NUDT22: variants seen among roughly 807,000 people sequenced by gnomAD.
NUDT22 encodes the protein nudix hydrolase 22, also known as uridine diphosphate glucose pyrophosphatase NUDT22.
NUDT22 carries 23 observed loss-of-function variants against 28.8 expected under a neutral mutation model. The observed-to-expected ratio is 0.80, with a 90% CI of 0.58 to 1.13. The LOEUF (loss-of-function observed/expected upper bound fraction) is 1.13, where lower values mean the gene tolerates loss of function less well. NUDT22 is among the 50% of genes most tolerant of loss of function. The pLI is 0.00. For synonymous variants in NUDT22, 175 were observed against 173.7 expected (o/e 1.01, Z -0.06); for missense variants, 358 against 387.3 (o/e 0.92, Z 0.64).
Position 64,226,275 on chromosome 11 carries a change from G to A in NUDT22, c.-171G>A. 1.5e-6 allele frequency: 1 copy of A among 654,130 alleles called. No individual in the cohort carries two copies. Among genetic ancestry groups the A allele is most frequent in the Non-Finnish European group, 2.1e-6 (1 of 471,940 alleles). The allele number at this position is 654,130 out of a possible 1,614,324, so 40.5% of individuals were successfully genotyped here. A position where few individuals can be genotyped will look rare whatever the true frequency, so the allele number is the denominator to read the frequency against. On this transcript the variant is annotated 5_prime_UTR_variant, in exon 1 of 6. Coordinates refer to ENST00000279206, the MANE Select transcript of NUDT22 (RefSeq NM_032344.4). ...GCACTTCCGCTTCGGGGAAGGGGCG[G>A]AGCCTGAGGGACCCGGCGGCTGGTG...
Position 64,227,110 on chromosome 11 carries a change from C to A in NUDT22, c.458C>A (p.Pro153His), listed in dbSNP as rs375308346. 1.9e-6 allele frequency: 3 copies of A among 1,593,190 alleles called. No individual in the cohort carries two copies. In the African/African-American group the frequency reaches 4.0e-5, roughly 21 times the overall value. The change falls in exon 2 of 6, where the codon CCT becomes CAT. Residue 153 changes from proline to histidine, a missense_variant. Coordinates refer to ENST00000279206, the MANE Select transcript of NUDT22 (RefSeq NM_032344.4). ...GAGGCCCCTGGGCTGGTGGACGTAC[C>A]TGGTGGGCACCCTGAGCCTCAGGTG... ...VAEAPGLVDV[P>H]GGHPEPQALC...
chr11:64,230,211 A>G (rs1375764889), downstream of NUDT22: 2 of 687,592 alleles, frequency 2.9e-6, no homozygotes, highest in East Asian at 5.6e-5. Context: ...GCAGCTCCGT[A>G]AGATATACCT....
intron 5 of NUDT22, 119 bp from the exon 6 acceptor site, chr11:64,229,731 C>A: frequency 1.4e-6 from 2 of 1,392,756 alleles, no homozygotes; most frequent in Non-Finnish European, 2.0e-6. Flanking sequence ...ACATGTTCAG[C>A]CCCTTAACAT....
At chr11:64,227,204 C>G (rs760522457) in intron 2 of NUDT22, 72 bp downstream of exon 2, 6 of 1,516,410 alleles carry the variant, frequency 4.0e-6, no homozygotes, top group Non-Finnish European at 5.3e-6. Context: ...TCCCAATCCT[C>G]CCAGCTTTGG....
chr11:64,227,513 G>C (rs1947070331), intron 2 of NUDT22, 55 bp from the exon 3 acceptor site: 2 of 1,383,940 alleles, frequency 1.4e-6, no homozygotes, highest in African/African-American at 2.8e-5. Flanking sequence ...TGCTGGTCCT[G>C]AGATGGGGCA....
At position 64,229,800 on chromosome 11, in the gene NUDT22, G is replaced by C. The variant is rs372897691; in HGVS notation, c.772-50G>C. 76 of 1,610,380 alleles carry C rather than the reference G, an allele frequency of 4.7e-5. No homozygotes were observed. The South Asian group carries it at 7.8e-4, about 17-fold the overall frequency. On this transcript the variant is annotated intron_variant, in intron 5 of 5. Coordinates refer to ENST00000279206, the MANE Select transcript of NUDT22 (RefSeq NM_032344.4). ...CTCAGGAATTCTGGGCACAGCCCTG[G>C]CAGGAGAAGTGGCAAGCTTGAATGC...
At chr11:64,228,296 C>A (rs920155228) in intron 3 of NUDT22, among the ~76,000 whole-genome samples, 5 of 151,626 alleles carry the variant, frequency 3.3e-5, no homozygotes, top group African/African-American at 1.2e-4. Context: ...GATTCTCATG[C>A]CTTGCCCCGC....
rs1403068921 is a variant in NUDT22 at position 64,230,006 on chromosome 11, T to C, written c.*16T>C. ...GCCGCTCTGAAAATAATAAACGACT[T>C]TATTCTTGGATTCCGTTGGCATCTG... On this transcript the variant is annotated 3_prime_UTR_variant, in exon 6 of 6. Coordinates refer to ENST00000279206, the MANE Select transcript of NUDT22 (RefSeq NM_032344.4). 5.0e-6 allele frequency: 8 copies of C among 1,611,248 alleles called. No individual in the cohort carries two copies. In the African/African-American group the frequency reaches 1.1e-4, roughly 22 times the overall value.
In NUDT22 at chr11:64,226,388, C is replaced by T. The variant is rs1947019079; in HGVS notation, c.-58C>T. 1.9e-5 allele frequency: 25 copies of T among 1,305,134 alleles called. No homozygotes were observed. In the South Asian group the frequency reaches 4.3e-4, roughly 22 times the overall value. 80.8% of individuals were successfully genotyped at this position (1,305,134 alleles called of 1,614,324 possible). ...GAGGCAGACCCCTGGGTTTGGGGGA[C>T]ATGGGCATTTGGGGCGCCTGAACCC... is the stretch of plus-strand genomic sequence containing the variant. On this transcript the variant is annotated 5_prime_UTR_variant, in exon 1 of 6. Coordinates refer to ENST00000279206, the MANE Select transcript of NUDT22 (RefSeq NM_032344.4).
chr11:64,229,743 C>T, intron 5 of NUDT22, 107 bp from the exon 6 acceptor site: 1 of 1,456,952 alleles, frequency 6.9e-7, no homozygotes. Context: ...CCTTAACATG[C>T]CTCCCTAAGG....
intron 2 of NUDT22, 145 bp downstream of exon 2, chr11:64,227,277 C>G: frequency 1.0e-6 from 1 of 970,088 alleles, no homozygotes; most frequent in Non-Finnish European, 1.6e-6. Context: ...TCAGGGCAGT[C>G]CACCTGCCTC....
In NUDT22 at chr11:64,226,433, G is replaced by A. The variant is rs190961241; in HGVS notation, c.-19+6G>A. On this transcript the variant is annotated splice_donor_region_variant and intron_variant, in intron 1 of 5. Transcript: ENST00000279206. ...GAACCCAAGACCTCTGGATGGTAGG[G>A]ATGCCCGGGCGTCCTGGATACCCTG... 120 of 1,385,344 alleles carry A rather than the reference G, an allele frequency of 8.7e-5. No homozygotes were observed. The African/African-American group carries it at 1.5e-3, about 17-fold the overall frequency. 85.8% of individuals were successfully genotyped at this position (1,385,344 alleles called of 1,614,324 possible).
chr11:64,229,801 C>CA (rs1947141225), intron 5 of NUDT22, 49 bp from the exon 6 acceptor site: 1 of 1,609,834 alleles, frequency 6.2e-7, no homozygotes, highest in Admixed American at 1.7e-5. Context: ...ACAGCCCTGG[C>CA]AGGAGAAGTG....
intron 3 of NUDT22, chr11:64,227,876 T>A: frequency 5.7e-6 from 1 of 176,154 alleles, no homozygotes; most frequent in Non-Finnish European, 1.2e-5. Context: ...TTTTTCTTTC[T>A]TTTTTTTTTT....
intron 3 of NUDT22, chr11:64,228,967 A>C (rs1947122247): frequency 2.6e-6 from 1 of 384,290 alleles, no homozygotes; most frequent in African/African-American, 2.1e-5. Flanking sequence ...GCGAGACTCC[A>C]TCTCAAAAAA....
In NUDT22 at chr11:64,226,380, T is replaced by C; in HGVS notation, c.-66T>C. On this transcript the variant is annotated 5_prime_UTR_variant, in exon 1 of 6. Coordinates refer to ENST00000279206, the MANE Select transcript of NUDT22 (RefSeq NM_032344.4). ...CCGGGTCGGAGGCAGACCCCTGGGT[T>C]TGGGGGACATGGGCATTTGGGGCGC... 7.8e-7 allele frequency: 1 copy of C among 1,283,790 alleles called. No homozygotes were observed. Among genetic ancestry groups the C allele is most frequent in the Non-Finnish European group, 9.8e-7 (1 of 1,016,850 alleles). 79.5% of individuals were successfully genotyped at this position (1,283,790 alleles called of 1,614,324 possible). A position where few individuals can be genotyped will look rare whatever the true frequency, so the allele number is the denominator to read the frequency against.
Position 64,227,615 on chromosome 11 carries a change from G to C in NUDT22, c.528G>C (p.Gln176His). Residue 176 changes from glutamine (Q) to histidine (H), a missense_variant, in exon 3 of 6, where the codon CAG becomes CAC. Gln to His is a conservative substitution (Grantham distance 24, BLOSUM62 0). Transcript: ENST00000279206. ...CCCAGCACCAGGACCTCGCTGGGCA[G>C]CTGGTGGTACATGAACTCTTTTCCA... Reference protein sequence around the residue: ...GSPQHQDLAGQLVVHELFSSV... With the variant: ...GSPQHQDLAGHLVVHELFSSV... The C allele has an allele frequency of 6.2e-7, 1 of 1,614,116 alleles. No homozygotes were observed. Among genetic ancestry groups the C allele is most frequent in the Non-Finnish European group, 8.5e-7 (1 of 1,180,032 alleles).
intron 5 of NUDT22, 64 bp downstream of exon 5, chr11:64,229,635 C>A: frequency 6.1e-6 from 9 of 1,474,536 alleles, no homozygotes; most frequent in Non-Finnish European, 7.6e-6. Flanking sequence ...CCTGGCAATG[C>A]ATATCTTGTA....
Position 64,226,730 on chromosome 11 carries a change from C to T in NUDT22, c.78C>T (p.Ser26=). The T allele has an allele frequency of 6.2e-7, 1 of 1,610,368 alleles. No homozygotes were observed. The highest frequency in any genetic ancestry group is 8.5e-7 in the Non-Finnish European group (1 of 1,179,890). ...LPQEQIQAEL[S]PAHDRRPLPG... Reference sequence around the variant, plus strand: ...AGGAGCAGATACAGGCCGAGCTGAGCCCCGCCCATGACCGTCGCCCACTGC... The same window carrying T: ...AGGAGCAGATACAGGCCGAGCTGAGTCCCGCCCATGACCGTCGCCCACTGC... The change falls in exon 2 of 6, where the codon AGC becomes AGT. Residue 26 remains serine (S), a synonymous_variant. Coordinates refer to ENST00000279206, the MANE Select transcript of NUDT22 (RefSeq NM_032344.4).
Sources: allele counts gnomAD v4.1 joint callset (sites outside exome capture counted in the v4.1 genomes callset), GRCh38; gene constraint gnomAD v4.1.1; transcripts MANE v1.5; gene names NCBI Gene and HGNC (gene_info 2026-07-23, HGNC 2026-07-21).